Variants in PDE4D observed in about 807,000 individuals in gnomAD.
PDE4D encodes the protein phosphodiesterase 4D.
PDE4D carries 24 observed loss-of-function variants against 87.4 expected under a neutral mutation model. The observed-to-expected ratio is 0.27, with a 90% CI of 0.20 to 0.39. The LOEUF is 0.39. Among genes scored for constraint, PDE4D ranks in the 10% least tolerant of loss-of-function variants. PDE4D has a pLI of 1.00. For missense variants in PDE4D, 714 were observed against 1,041.0 expected (o/e 0.69, Z 4.32); for synonymous variants, 384 against 383.2 (o/e 1.00, Z -0.02).
intron 5 of PDE4D, among the ~76,000 whole-genome samples, chr5:59,093,283 G>A (rs911301306): frequency 7.9e-5 from 12 of 152,128 alleles, no homozygotes; most frequent in African/African-American, 2.9e-4. Flanking sequence ...GGAGCCTTTG[G>A]ATCCAAACTA....
At chr5:59,771,514 GA>G (rs1554081548) in intron 1 of PDE4D, among the ~76,000 whole-genome samples, 26 of 141,378 alleles carry the variant, frequency 1.8e-4, no homozygotes, top group Admixed American at 1.2e-3. Flanking sequence ...AAGAAAGAAA[GA>G]AAGAAAGAAA....
At chr5:59,858,592 T>G (rs1034924115) in intron 1 of PDE4D, among the ~76,000 whole-genome samples, 4 of 152,056 alleles carry the variant, frequency 2.6e-5, no homozygotes, top group African/African-American at 9.7e-5. Flanking sequence ...TGAGAGAGAA[T>G]GTGGAATGGA....
chr5:59,234,296 G>A (rs1220521869), intron 1 of PDE4D, among the ~76,000 whole-genome samples: 1 of 150,294 alleles, frequency 6.7e-6, no homozygotes, highest in African/African-American at 2.4e-5. Flanking sequence ...TTCTTTTTTT[G>A]TAGAATTTAT....
chr5:59,534,914 A>G, intron 1 of PDE4D, among the ~76,000 whole-genome samples: 1 of 152,170 alleles, frequency 6.6e-6, no homozygotes, highest in Non-Finnish European at 1.5e-5. Context: ...CCAGGTTTGA[A>G]TGTGATGGCT....
At chr5:60,337,072 C>A (rs1321759383) in intron 1 of PDE4D, among the ~76,000 whole-genome samples, 1 of 150,668 alleles carries the variant, frequency 6.6e-6, no homozygotes. Context: ...GTAATCTCAG[C>A]ACTTTGGGAT....
At chr5:59,102,642 T>C (rs1490832857) in intron 5 of PDE4D, among the ~76,000 whole-genome samples, 1 of 152,200 alleles carries the variant, frequency 6.6e-6, no homozygotes, top group Admixed American at 6.5e-5. Flanking sequence ...CAGCTGAAGA[T>C]GATAGAGGAA....
intron 1 of PDE4D, among the ~76,000 whole-genome samples, chr5:59,524,002 G>A (rs1053373413): frequency 5.3e-5 from 8 of 152,148 alleles, no homozygotes; most frequent in African/African-American, 9.7e-5. Flanking sequence ...AATTAAACCC[G>A]TTTCCTTTAC....
intron 1 of PDE4D, among the ~76,000 whole-genome samples, chr5:60,382,633 C>T (rs1761942648): frequency 6.6e-6 from 1 of 152,158 alleles, no homozygotes; most frequent in Non-Finnish European, 1.5e-5. Context: ...GCTGACTTCC[C>T]CCATTTCACC....
intron 1 of PDE4D, among the ~76,000 whole-genome samples, chr5:59,574,017 T>C (rs1506559): frequency 8.7e-6 from 1 of 114,450 alleles, no homozygotes; most frequent in Non-Finnish European, 1.7e-5. Context: ...TATATATATA[T>C]ATATATATAT....
chr5:59,475,648 A>G (rs1292039106), intron 1 of PDE4D, among the ~76,000 whole-genome samples: 1 of 152,066 alleles, frequency 6.6e-6, no homozygotes, highest in African/African-American at 2.4e-5. Context: ...CCTAAGGTCC[A>G]TTCTTGTCTC....
At chr5:59,969,707 C>A (rs554776372) in intron 3 of PDE4D, among the ~76,000 whole-genome samples, 1 of 152,242 alleles carries the variant, frequency 6.6e-6, no homozygotes, top group South Asian at 2.1e-4. Flanking sequence ...ATAGTGAGTT[C>A]TCATGAGAGC....
intron 1 of PDE4D, among the ~76,000 whole-genome samples, chr5:59,700,727 A>G (rs181316854): frequency 9.2e-5 from 14 of 152,236 alleles, no homozygotes; most frequent in Admixed American, 7.8e-4. Context: ...TTTATCAATT[A>G]CCAATATCAA....
chr5:59,935,084 G>A (rs999209360), intron 3 of PDE4D, among the ~76,000 whole-genome samples: 1 of 152,146 alleles, frequency 6.6e-6, no homozygotes, highest in African/African-American at 2.4e-5. Context: ...TTTTTGACAT[G>A]TTGAGTTTAA....
At chr5:59,837,050 C>T (rs1742231637) in intron 1 of PDE4D, among the ~76,000 whole-genome samples, 1 of 152,010 alleles carries the variant, frequency 6.6e-6, no homozygotes, top group Non-Finnish European at 1.5e-5. Context: ...TTCCCCCTCA[C>T]CTTTCCCCAA....
intron 3 of PDE4D, among the ~76,000 whole-genome samples, chr5:59,981,915 T>C (rs1356214883): frequency 1.3e-5 from 2 of 152,196 alleles, no homozygotes; most frequent in Non-Finnish European, 2.9e-5. Context: ...TTTTTTTTAA[T>C]GTTCTCTCTA....
At chr5:59,667,512 A>T (rs907561431) in intron 1 of PDE4D, among the ~76,000 whole-genome samples, 1 of 151,964 alleles carries the variant, frequency 6.6e-6, no homozygotes, top group Non-Finnish European at 1.5e-5. Context: ...GTCTGCTTGT[A>T]CTCAAACTCA....
intron 1 of PDE4D, among the ~76,000 whole-genome samples, chr5:59,383,549 T>G (rs185877305): frequency 6.6e-6 from 1 of 152,200 alleles, no homozygotes; most frequent in Admixed American, 6.5e-5. Context: ...ATTTATTTAC[T>G]ATGCTTACTG....
chr5:60,023,346 C>T (rs1766276996), intron 2 of PDE4D, among the ~76,000 whole-genome samples: 1 of 152,086 alleles, frequency 6.6e-6, no homozygotes, highest in Non-Finnish European at 1.5e-5. Flanking sequence ...CTTATTTCAA[C>T]TTTTTTGTTT....
At position 59,393,185 on chromosome 5, in the gene PDE4D, T is replaced by G. The variant is rs61050696; in HGVS notation, c.456-177217A>C. Among the ~76,000 whole-genome samples, 343 of 152,150 alleles carry G rather than the reference T, an allele frequency of 2.3e-3. 1 individual carries two copies. Among genetic ancestry groups the G allele is most frequent in the African/African-American group, 8.0e-3 (333 of 41,500 alleles). Reference sequence around the variant, plus strand: ...TACATATGGAAAGAAATATACTGATTTGAGTGAACCCAAGCAGAGTTTGAA... The same window carrying G: ...TACATATGGAAAGAAATATACTGATGTGAGTGAACCCAAGCAGAGTTTGAA... On this transcript the variant is annotated intron_variant, in intron 1 of 14. Coordinates refer to ENST00000340635, the MANE Select transcript of PDE4D (RefSeq NM_001104631.2).
Sources: allele counts gnomAD v4.1 joint callset (sites outside exome capture counted in the v4.1 genomes callset), GRCh38; gene constraint gnomAD v4.1.1; transcripts MANE v1.5; gene names NCBI Gene and HGNC (gene_info 2026-07-23, HGNC 2026-07-21).